FAM13B: variants seen among roughly 807,000 people sequenced by gnomAD.
FAM13B encodes the protein family with sequence similarity 13 member B, also known as protein FAM13B.
FAM13B carries 60 observed loss-of-function variants against 117.3 expected under a neutral mutation model. The observed-to-expected ratio is 0.51, with a 90% CI of 0.42 to 0.63. The LOEUF (loss-of-function observed/expected upper bound fraction) is 0.63, where lower values mean the gene tolerates loss of function less well. Among genes scored for constraint, FAM13B ranks in the 30% least tolerant of loss-of-function variants. FAM13B has a pLI of 0.00. For missense variants in FAM13B, 972 were observed against 1,091.9 expected (o/e 0.89, Z 1.55); for synonymous variants, 332 against 356.1 (o/e 0.93, Z 0.76).
chr5:138,045,918 T>C (rs1791627647), intron 1 of FAM13B, among the ~76,000 whole-genome samples: 1 of 150,230 alleles, frequency 6.7e-6, no homozygotes, highest in African/African-American at 2.4e-5. Flanking sequence ...GCACTCCCAC[T>C]TGGGCAACAA....
intron 1 of FAM13B, 41 bp downstream of exon 1, chr5:138,032,741 C>A: frequency 2.0e-6 from 2 of 985,702 alleles, no homozygotes; most frequent in Non-Finnish European, 2.4e-6. Flanking sequence ...CGACCTGCAA[C>A]CCGCGCATGC....
intron 7 of FAM13B, among the ~76,000 whole-genome samples, chr5:137,994,137 G>A (rs931734772): frequency 1.3e-5 from 2 of 152,202 alleles, no homozygotes; most frequent in Non-Finnish European, 2.9e-5. Flanking sequence ...TAAAAGTAGT[G>A]ATCAGCAAGC....
intron 1 of FAM13B, among the ~76,000 whole-genome samples, chr5:138,050,594 A>G (rs1791774076): frequency 1.3e-5 from 2 of 152,214 alleles, no homozygotes; most frequent in African/African-American, 4.8e-5. Context: ...TGCCTCTTCC[A>G]AAGAAGCCCA....
chr5:137,979,656 T>C (rs1313412687), intron 10 of FAM13B, among the ~76,000 whole-genome samples: 1 of 152,174 alleles, frequency 6.6e-6, no homozygotes, highest in Non-Finnish European at 1.5e-5. Flanking sequence ...TCTTTACTTA[T>C]ACTATTCATT....
intron 10 of FAM13B, among the ~76,000 whole-genome samples, chr5:137,963,966 T>C (rs1214251224): frequency 6.6e-6 from 1 of 152,202 alleles, no homozygotes; most frequent in African/African-American, 2.4e-5. Context: ...TCCAAAAATG[T>C]TGGGGATCTC....
At chr5:138,040,262 CAAAAAAAAAAA>C (rs3032825) in intron 1 of FAM13B, among the ~76,000 whole-genome samples, 4 of 25,226 alleles carry the variant, frequency 1.6e-4, no homozygotes, top group Non-Finnish European at 2.7e-4. Context: ...GACTCTGTCT[CAAAAAAAAAAA>C]AAAAAAAAAA....
chr5:137,966,797 C>T (rs531422096), intron 10 of FAM13B, among the ~76,000 whole-genome samples: 1 of 152,198 alleles, frequency 6.6e-6, no homozygotes, highest in African/African-American at 2.4e-5. Flanking sequence ...GAAACACACT[C>T]AACTGATTTG....
intron 17 of FAM13B, among the ~76,000 whole-genome samples, chr5:137,950,424 T>A (rs970341999): frequency 6.6e-6 from 1 of 151,976 alleles, no homozygotes; most frequent in Admixed American, 6.5e-5. Context: ...ATGAAAGTGA[T>A]AAAATCGGCC....
intron 7 of FAM13B, among the ~76,000 whole-genome samples, chr5:137,997,410 G>A (rs1366767289): frequency 5.3e-5 from 8 of 151,780 alleles, no homozygotes; most frequent in East Asian, 1.9e-4. Context: ...CGGAGGTTGC[G>A]GTGAGCTGAG....
intron 7 of FAM13B, among the ~76,000 whole-genome samples, chr5:137,993,165 T>A (rs1779064364): frequency 6.6e-6 from 1 of 152,238 alleles, no homozygotes; most frequent in Non-Finnish European, 1.5e-5. Flanking sequence ...ATTGCTATAA[T>A]GTCCACATAG....
intron 1 of FAM13B, among the ~76,000 whole-genome samples, chr5:138,042,778 A>G (rs1431541938): frequency 6.6e-6 from 1 of 152,106 alleles, no homozygotes; most frequent in Admixed American, 6.6e-5. Context: ...TGGTGGTTAC[A>G]TGGGTGTTTG....
chr5:137,975,850 CT>C (rs1773764253), intron 10 of FAM13B, among the ~76,000 whole-genome samples: 1 of 151,302 alleles, frequency 6.6e-6, no homozygotes, highest in African/African-American at 2.4e-5. Context: ...ATTTTTTAGT[CT>C]CTCCCTATCT....
chr5:138,011,233 G>A, intron 5 of FAM13B, 84 bp from the exon 6 acceptor site: 1 of 1,242,356 alleles, frequency 8.0e-7, no homozygotes, highest in South Asian at 1.4e-5. Flanking sequence ...GATACTTTAT[G>A]AACATGGGCA....
intron 1 of FAM13B, among the ~76,000 whole-genome samples, chr5:138,047,937 T>G (rs1417520103): frequency 6.6e-6 from 1 of 152,256 alleles, no homozygotes; most frequent in African/African-American, 2.4e-5. Context: ...TTGTATTGTG[T>G]TTTTAAAAAA....
In FAM13B at chr5:137,983,213, A is replaced by AAAAAC. The variant is rs1561492748; in HGVS notation, c.1179+2043_1179+2044insGTTTT. Among the ~76,000 whole-genome samples, 31 of 93,718 alleles carry AAAAAC rather than the reference A, an allele frequency of 3.3e-4. 2 individuals carry two copies. The highest frequency in any genetic ancestry group is 5.5e-4 in the East Asian group (2 of 3,622). 61.5% of individuals were successfully genotyped at this position (93,718 alleles called of 152,430 possible). A position where few individuals can be genotyped will look rare whatever the true frequency, so the allele number is the denominator to read the frequency against. The stretch of plus-strand genomic sequence containing the variant: ...AAAAAAAAAAAAAAAAAAAAAAAAA[A>AAAAAC]AACCGAGTGAGATATCCTGAATGCC... On this transcript the variant is annotated intron_variant, in intron 10 of 23. Transcript: ENST00000689681.
intron 12 of FAM13B, 111 bp from the exon 13 acceptor site, chr5:137,959,874 T>C: frequency 1.0e-6 from 1 of 998,586 alleles, no homozygotes; most frequent in Non-Finnish European, 1.5e-6. Flanking sequence ...ACTGTGCCTA[T>C]ACAGCCAACT....
chr5:137,968,765 G>A (rs1165077729), intron 10 of FAM13B, among the ~76,000 whole-genome samples: 1 of 152,232 alleles, frequency 6.6e-6, no homozygotes, highest in Non-Finnish European at 1.5e-5. Flanking sequence ...TCGTGCGCGA[G>A]CCAAAGCAGG....
At chr5:137,946,404 A>C in intron 18 of FAM13B, 93 bp from the exon 19 acceptor site, 1 of 783,606 alleles carries the variant, frequency 1.3e-6, no homozygotes, top group Non-Finnish European at 2.0e-6. Flanking sequence ...CCTCACTCCC[A>C]CAATGTAAAT....
At chr5:138,019,759 A>AAGCTCTGC (rs1214517641) in intron 2 of FAM13B, 3 of 152,044 alleles carry the variant, frequency 2.0e-5, no homozygotes, top group African/African-American at 7.3e-5. Context: ...GGCTCACTGC[A>AAGCTCTGC]AGCTCTGCCT....
Sources: allele counts gnomAD v4.1 joint callset (sites outside exome capture counted in the v4.1 genomes callset), GRCh38; gene constraint gnomAD v4.1.1; transcripts MANE v1.5; gene names NCBI Gene and HGNC (gene_info 2026-07-23, HGNC 2026-07-21).